The following NRXN1 variants were observed in gnomAD, a reference collection of about 807,000 sequenced individuals.
The protein encoded by NRXN1 is neurexin 1.
In NRXN1, 39 loss-of-function variants were observed where a neutral mutation model predicts 150.9. The observed-to-expected ratio is 0.26, with a 90% CI of 0.20 to 0.34. NRXN1 has a LOEUF of 0.34. Ranked by LOEUF, NRXN1 falls within the 10% of genes least tolerant of loss-of-function variation. NRXN1 has a pLI of 1.00. For synonymous variants in NRXN1, 924 were observed against 757.0 expected, an observed-to-expected ratio of 1.22 and a Z score of -3.62; for missense variants, 1,815 against 1,949.9, an observed-to-expected ratio of 0.93 and a Z score of 1.30.
At chr2:50,137,088 G>T (rs1457495298) in intron 18 of NRXN1, among the ~76,000 whole-genome samples, 1 of 152,062 alleles carries the variant, frequency 6.6e-6, no homozygotes, top group African/African-American at 2.4e-5. Context: ...GACAAACCAA[G>T]TAGATTTTTT....
At chr2:50,315,184 T>C (rs543127192) in intron 17 of NRXN1, among the ~76,000 whole-genome samples, 2 of 152,094 alleles carry the variant, frequency 1.3e-5, no homozygotes, top group Admixed American at 6.6e-5. Flanking sequence ...TTTTTCCCCC[T>C]GTTTTAGTAT....
At chr2:50,850,085 G>C (rs1309713987) in intron 5 of NRXN1, among the ~76,000 whole-genome samples, 1 of 151,938 alleles carries the variant, frequency 6.6e-6, no homozygotes, top group Non-Finnish European at 1.5e-5. Context: ...AGCCAGGCAT[G>C]ATGGTATATG....
In NRXN1 at chr2:50,163,185, T is replaced by TATAA. The variant is rs1491359354; in HGVS notation, c.3547-71692_3547-71691insTTAT. ...AAATGTATATATATATATATATATA[T>TATAA]AAAACAATACTAAATGTAGTATCTT... On this transcript the variant is annotated intron_variant, in intron 18 of 22. Transcript: ENST00000401669. Among the ~76,000 whole-genome samples, 151 of 146,424 alleles carry TATAA rather than the reference T, an allele frequency of 1.0e-3. 1 individual carries two copies. Among genetic ancestry groups the TATAA allele is most frequent in the African/African-American group, 1.8e-3 (71 of 40,240 alleles).
intron 21 of NRXN1, among the ~76,000 whole-genome samples, chr2:49,971,907 G>C (rs1678022149): frequency 6.6e-6 from 1 of 151,980 alleles, no homozygotes; most frequent in Non-Finnish European, 1.5e-5. Flanking sequence ...AGTTTCAAAA[G>C]TTAAGTCAAA....
chr2:50,029,173 C>T (rs1363158949), intron 21 of NRXN1, among the ~76,000 whole-genome samples: 2 of 152,210 alleles, frequency 1.3e-5, no homozygotes, highest in Non-Finnish European at 2.9e-5. Flanking sequence ...AGAGACAACA[C>T]AGCTAAAAGA....
At chr2:50,312,088 C>A (rs962562945) in intron 17 of NRXN1, among the ~76,000 whole-genome samples, 1 of 152,080 alleles carries the variant, frequency 6.6e-6, no homozygotes, top group African/African-American at 2.4e-5. Context: ...ATTCACTAAT[C>A]TGTAAATTTG....
intron 5 of NRXN1, among the ~76,000 whole-genome samples, chr2:50,900,327 G>A (rs1682725564): frequency 6.6e-6 from 1 of 152,132 alleles, no homozygotes; most frequent in African/African-American, 2.4e-5. Flanking sequence ...CAACTCTCCA[G>A]TGGAAGGGTA....
At chr2:50,696,626 C>T (rs1692922641) in intron 5 of NRXN1, among the ~76,000 whole-genome samples, 1 of 152,122 alleles carries the variant, frequency 6.6e-6, no homozygotes, top group Non-Finnish European at 1.5e-5. Flanking sequence ...TTTTATCTTG[C>T]AACTGTCAAA....
At chr2:50,578,605 G>A (rs1298094753) in intron 8 of NRXN1, among the ~76,000 whole-genome samples, 1 of 152,030 alleles carries the variant, frequency 6.6e-6, no homozygotes, top group Non-Finnish European at 1.5e-5. Flanking sequence ...ATGTGAATGT[G>A]TGTAGCTGTG....
intron 18 of NRXN1, among the ~76,000 whole-genome samples, chr2:50,212,049 A>ATATATATATAT (rs1559100237): frequency 1.8e-4 from 27 of 151,762 alleles, no homozygotes; most frequent in Admixed American, 1.3e-3. Context: ...AACTAAATCC[A>ATATATATATAT]CTATATATTC....
chr2:50,087,560 A>T (rs1367887220), intron 19 of NRXN1, among the ~76,000 whole-genome samples: 1 of 152,148 alleles, frequency 6.6e-6, no homozygotes, highest in Non-Finnish European at 1.5e-5. Flanking sequence ...GGGACAAATC[A>T]GAGATTAATG....
At chr2:50,978,302 AT>A (rs1442478430) in intron 2 of NRXN1, among the ~76,000 whole-genome samples, 20 of 128,836 alleles carry the variant, frequency 1.6e-4, no homozygotes, top group African/African-American at 4.4e-4. Context: ...ATATATATAT[AT>A]ATAAAATATA....
chr2:50,193,234 T>TG (rs753710840), intron 18 of NRXN1, among the ~76,000 whole-genome samples: 131 of 152,284 alleles, frequency 8.6e-4, no homozygotes, highest in Middle Eastern at 3.4e-3. Flanking sequence ...CACATAGCAC[T>TG]GATTAAAGAA....
At position 50,066,544 on chromosome 2, in the gene NRXN1, T is replaced by A. The variant is rs11888953; in HGVS notation, c.3719-11500A>T. On this transcript the variant is annotated intron_variant, in intron 19 of 22. Coordinates refer to ENST00000401669, the MANE Select transcript of NRXN1 (RefSeq NM_001330078.2). ...TTTTTCATAATGTGAATATTAATCC[T>A]CAAAAGGTTGACAATTGATCATTAT... is the stretch of plus-strand genomic sequence containing the variant. Among the ~76,000 whole-genome samples the A allele has an allele frequency of 5.1e-3, 780 of 152,262 alleles. 7 individuals are homozygous for A. The highest frequency in any genetic ancestry group is 0.018 in the African/African-American group (750 of 41,558).
In NRXN1 at chr2:50,346,326, A is replaced by C. The variant is rs1471674893; in HGVS notation, c.3365-109356T>G. On this transcript the variant is annotated intron_variant, in intron 17 of 22. Transcript: ENST00000401669. This position sits in a 1 kb window ranked among gnomAD's most constrained non-coding sequence, Gnocchi z 5.0. ...CAGAGCCCTCTTCTCTCTGGTGCTC[A>C]GGTCCCTTAGCTGAGCGCGGCGCCC... Among the ~76,000 whole-genome samples the C allele has an allele frequency of 6.6e-6, 1 of 152,148 alleles. No individual in the cohort carries two copies. Among genetic ancestry groups the C allele is most frequent in the Non-Finnish European group, 1.5e-5 (1 of 68,014 alleles).
intron 18 of NRXN1, among the ~76,000 whole-genome samples, chr2:50,217,210 C>CAAAA (rs1386316097): frequency 6.6e-6 from 1 of 151,792 alleles, no homozygotes; most frequent in African/African-American, 2.4e-5. Flanking sequence ...TTATGAGGAC[C>CAAAA]AAAATAAATA....
At chr2:50,880,237 G>A (rs1361922817) in intron 5 of NRXN1, among the ~76,000 whole-genome samples, 1 of 151,932 alleles carries the variant, frequency 6.6e-6, no homozygotes, top group Non-Finnish European at 1.5e-5. Context: ...AACTTTATAT[G>A]TTGGCACCCA....
chr2:50,381,569 AC>A (rs2080972372), intron 17 of NRXN1, among the ~76,000 whole-genome samples: 19 of 137,734 alleles, frequency 1.4e-4, no homozygotes, highest in Middle Eastern at 3.8e-3. Context: ...ACACACACAC[AC>A]ACAATCTGCT....
intron 18 of NRXN1, among the ~76,000 whole-genome samples, chr2:50,169,020 C>G (rs1219271387): frequency 6.6e-6 from 1 of 152,186 alleles, no homozygotes; most frequent in East Asian, 1.9e-4. Context: ...ACGGAATGCT[C>G]ATTAGAAGCA....
Sources: allele counts gnomAD v4.1 joint callset (sites outside exome capture counted in the v4.1 genomes callset), GRCh38; gene constraint gnomAD v4.1.1; non-coding constraint Gnocchi (gnomAD v3.1); transcripts MANE v1.5; gene names NCBI Gene and HGNC (gene_info 2026-07-23, HGNC 2026-07-21).